The following SCYL3 variants were observed in gnomAD, a reference collection of about 807,000 sequenced individuals.
SCYL3 encodes the protein protein-associating with the carboxyl-terminal domain of ezrin.
A neutral mutation model predicts 73.8 loss-of-function variants in SCYL3; 35 were observed. The ratio of observed to expected loss-of-function variants is 0.47; its 90% confidence interval spans 0.36 to 0.63. The LOEUF is 0.63. Among genes scored for constraint, SCYL3 ranks in the 20% least tolerant of loss-of-function variants. SCYL3 has a pLI of 0.00. For missense variants in SCYL3, 712 were observed against 798.9 expected (o/e 0.89, Z 1.31); for synonymous variants, 277 against 295.2 (o/e 0.94, Z 0.63).
chr1:169,853,873 T>G lies in SCYL3; in HGVS notation c.2008-101A>C, dbSNP rs1021814566. On this transcript the variant is annotated intron_variant, in intron 12 of 12. Coordinates refer to ENST00000367771, the MANE Select transcript of SCYL3 (RefSeq NM_020423.7). Reference sequence around the variant, plus strand: ...CAGGAATTTAAAATTTATCTTTTGATGCCAGAAACACTACCTCGTACTAAG... The same window carrying G: ...CAGGAATTTAAAATTTATCTTTTGAGGCCAGAAACACTACCTCGTACTAAG... The G allele has an allele frequency of 4.6e-6, 6 of 1,313,660 alleles. No homozygotes were observed. The Admixed American group carries it at 1.1e-4, about 23-fold the overall frequency. The allele number at this position is 1,313,660 out of a possible 1,614,324, so 81.4% of individuals were successfully genotyped here. A position where few individuals can be genotyped will look rare whatever the true frequency, so the allele number is the denominator to read the frequency against.
intron 5 of SCYL3, among the ~76,000 whole-genome samples, chr1:169,873,262 CTCTCT>C (rs1430999909): frequency 6.6e-5 from 10 of 152,192 alleles, no homozygotes; most frequent in Admixed American, 1.3e-4. Flanking sequence ...CCTGCACAAG[CTCTCT>C]TCTCTTGTCT....
At chr1:169,881,525 A>T (rs12047487) in intron 2 of SCYL3, among the ~76,000 whole-genome samples, 92,892 of 152,046 alleles carry the variant, frequency 0.61, 28,935 homozygotes, top group Middle Eastern at 0.72. Flanking sequence ...ACTAGATCTT[A>T]TATCTTCTAT....
chr1:169,867,544 T>C (rs1205500154), intron 7 of SCYL3, among the ~76,000 whole-genome samples: 5 of 152,202 alleles, frequency 3.3e-5, no homozygotes, highest in Non-Finnish European at 5.9e-5. Flanking sequence ...TATGAGACTG[T>C]TGACCCCAGA....
intron 3 of SCYL3, among the ~76,000 whole-genome samples, chr1:169,876,774 T>A (rs1294915334): frequency 1.3e-5 from 2 of 151,324 alleles, no homozygotes; most frequent in African/African-American, 2.4e-5. Flanking sequence ...GTTAACACGG[T>A]GAAACCGCGT....
intron 2 of SCYL3, among the ~76,000 whole-genome samples, chr1:169,884,361 G>C (rs1661524020): frequency 6.6e-6 from 1 of 151,956 alleles, no homozygotes; most frequent in African/African-American, 2.4e-5. Flanking sequence ...GCAATGGCGT[G>C]TTCTCAGCTC....
intron 3 of SCYL3, among the ~76,000 whole-genome samples, chr1:169,877,831 C>T (rs1348876362): frequency 1.3e-5 from 2 of 152,142 alleles, no homozygotes; most frequent in Non-Finnish European, 2.9e-5. Flanking sequence ...CGTTATCATG[C>T]GAACTTGTAA....
chr1:169,853,890 C>A (rs367793727), intron 12 of SCYL3, 118 bp from the exon 13 acceptor site: 1 of 1,091,906 alleles, frequency 9.2e-7, no homozygotes, highest in Non-Finnish European at 1.4e-6. Context: ...AACACTACCT[C>A]GTACTAAGTA....
chr1:169,894,241 G>A (rs1216884717), upstream of SCYL3: 1 of 152,238 alleles, frequency 6.6e-6, no homozygotes, highest in Non-Finnish European at 1.5e-5. Context: ...ATGGCTGCTG[G>A]CCACTTGTAG....
chr1:169,864,513 G>A lies in SCYL3; in HGVS notation c.816-5C>T, dbSNP rs369354677. 1.9e-6 allele frequency: 3 copies of A among 1,578,790 alleles called. No individual in the cohort carries two copies. Among genetic ancestry groups the A allele is most frequent in the Non-Finnish European group, 2.6e-6 (3 of 1,167,522 alleles). ...CTGACTCTGTCCAGCAGAAATCTGA[G>A]GACAAAAAGGGAAAGCCCAGGAAAC... On this transcript the variant is annotated splice_region_variant and splice_polypyrimidine_tract_variant and intron_variant, in intron 8 of 12. Transcript: ENST00000367771.
chr1:169,856,203 C>CAGAT (rs1490974359), intron 11 of SCYL3, among the ~76,000 whole-genome samples: 1 of 152,182 alleles, frequency 6.6e-6, no homozygotes, highest in Non-Finnish European at 1.5e-5. Context: ...AAGCATTACA[C>CAGAT]AGATATAACC....
intron 2 of SCYL3, among the ~76,000 whole-genome samples, chr1:169,883,360 T>C (rs1265308198): frequency 6.6e-6 from 1 of 152,178 alleles, no homozygotes; most frequent in Non-Finnish European, 1.5e-5. Context: ...CCAGTACCAG[T>C]CTGCAGCCTA....
intron 2 of SCYL3, among the ~76,000 whole-genome samples, chr1:169,886,380 G>A (rs1661690451): frequency 6.6e-6 from 1 of 152,064 alleles, no homozygotes; most frequent in African/African-American, 2.4e-5. Flanking sequence ...TTTGGGCATA[G>A]CCATCATCTC....
chr1:169,881,694 G>A (rs1275282317), intron 2 of SCYL3, among the ~76,000 whole-genome samples: 1 of 152,144 alleles, frequency 6.6e-6, no homozygotes. Flanking sequence ...TGTGGTGTGT[G>A]TCTTTCTGTG....
rs376338785 is a variant in SCYL3 at position 169,888,659 on chromosome 1, G to A, written c.165+17C>T. 28 of 1,599,534 alleles carry A rather than the reference G, an allele frequency of 1.8e-5. No homozygotes were observed. Among genetic ancestry groups the A allele is most frequent in the South Asian group, 4.5e-5 (4 of 89,212 alleles). ...AGTAAAAAGTACTAACTATTAAGTC[G>A]TCACCTATTATGGTACCTTGGCAGC... On this transcript the variant is annotated intron_variant, in intron 2 of 12. Coordinates refer to ENST00000367771, the MANE Select transcript of SCYL3 (RefSeq NM_020423.7).
intron 2 of SCYL3, among the ~76,000 whole-genome samples, chr1:169,884,299 G>A (rs1335723941): frequency 3.3e-5 from 5 of 151,686 alleles, no homozygotes; most frequent in East Asian, 1.9e-4. Flanking sequence ...TTTTTATTTC[G>A]TTTTGTTTTG....
In SCYL3 at chr1:169,850,010, C is replaced by G. The variant is rs542672445; in HGVS notation, c.*3703G>C. 3.5e-5 allele frequency: 18 copies of G among 517,854 alleles called. No individual in the cohort carries two copies. The highest frequency in any genetic ancestry group is 5.2e-5 in the Non-Finnish European group (15 of 290,250). The allele number at this position is 517,854 out of a possible 1,614,324, so 32.1% of individuals were successfully genotyped here. On this transcript the variant is annotated 3_prime_UTR_variant, in exon 13 of 13. Coordinates refer to ENST00000367771, the MANE Select transcript of SCYL3 (RefSeq NM_020423.7). ...TACTGCATTTGCTGTATAGTCATGC[C>G]TATGATCATAAGGGAGTCCAGAAGC...
chr1:169,881,508 A>G (rs1661256446), intron 2 of SCYL3, among the ~76,000 whole-genome samples: 2 of 152,210 alleles, frequency 1.3e-5, no homozygotes, highest in East Asian at 1.9e-4. Context: ...CTACTGACCT[A>G]TCAAACACTA....
chr1:169,862,401 T>A (rs962009952), intron 10 of SCYL3, among the ~76,000 whole-genome samples: 12 of 152,242 alleles, frequency 7.9e-5, no homozygotes, highest in Non-Finnish European at 1.5e-5. Context: ...CAAACAATTA[T>A]AGTTTCTCCC....
intron 2 of SCYL3, among the ~76,000 whole-genome samples, chr1:169,883,519 C>T (rs1352640350): frequency 6.6e-6 from 1 of 152,090 alleles, no homozygotes; most frequent in Non-Finnish European, 1.5e-5. Flanking sequence ...GAAGATAACC[C>T]TCAATATATT....
Sources: allele counts gnomAD v4.1 joint callset (sites outside exome capture counted in the v4.1 genomes callset), GRCh38; gene constraint gnomAD v4.1.1; transcripts MANE v1.5; gene names NCBI Gene and HGNC (gene_info 2026-07-23, HGNC 2026-07-21).